PLA2G6: variants seen among roughly 807,000 people sequenced by gnomAD.
PLA2G6 encodes the protein phospholipase A2 group VI.
In PLA2G6, 62 loss-of-function variants were observed where a neutral mutation model predicts 83.8. The observed-to-expected ratio is 0.74, with a 90% CI of 0.60 to 0.91. The LOEUF (loss-of-function observed/expected upper bound fraction) is 0.91. Ranked by LOEUF, PLA2G6 falls within the 40% of genes least tolerant of loss-of-function variation. PLA2G6 has a pLI of 0.00. For synonymous variants in PLA2G6, 417 were observed against 449.8 expected, an observed-to-expected ratio of 0.93 and a Z score of 0.92; for missense variants, 944 against 1,102.0, an observed-to-expected ratio of 0.86 and a Z score of 2.03.
chr22:38,136,041 A>T (rs981348171), intron 5 of PLA2G6: 1 of 152,262 alleles, frequency 6.6e-6, no homozygotes, highest in African/African-American at 2.4e-5. Context: ...AGCCTTGAAG[A>T]CATCATGCTA....
At chr22:38,120,954 G>A (rs1432756243) in intron 11 of PLA2G6, 45 bp from the exon 12 acceptor site, 9 of 1,606,886 alleles carry the variant, frequency 5.6e-6, no homozygotes, top group Admixed American at 1.7e-5. Context: ...GCGGCCACAC[G>A]CAGGGCTCCC....
At chr22:38,172,030 T>A (rs1274945026) in intron 1 of PLA2G6, among the ~76,000 whole-genome samples, 1 of 151,974 alleles carries the variant, frequency 6.6e-6, no homozygotes, top group African/African-American at 2.4e-5. Flanking sequence ...CTCCCTCACT[T>A]TAAACACATC....
rs558124373 is a variant in PLA2G6, at chr22:38,120,946, G to A, written c.1592-37C>T. ...GGGGTCAGAGGCGGGGAGATGCAGCGGCCACACGCAGGGCTCCCGTAGAAC... is the reference window on the plus strand; with the variant it reads ...GGGGTCAGAGGCGGGGAGATGCAGCAGCCACACGCAGGGCTCCCGTAGAAC... On this transcript the variant is annotated intron_variant, in intron 11 of 16. Coordinates refer to ENST00000332509, the MANE Select transcript of PLA2G6 (RefSeq NM_003560.4). 2.0e-5 allele frequency: 32 copies of A among 1,609,852 alleles called. No individual in the cohort carries two copies. The Middle Eastern group carries it at 6.6e-4, about 33-fold the overall frequency.
At chr22:38,178,298 C>G (rs113999105) in intron 1 of PLA2G6, among the ~76,000 whole-genome samples, 2 of 152,162 alleles carry the variant, frequency 1.3e-5, no homozygotes, top group African/African-American at 4.8e-5. Flanking sequence ...TGGTCAGGCA[C>G]GGCAGTTCAC....
chr22:38,158,262 C>T (rs1212134431), intron 2 of PLA2G6, among the ~76,000 whole-genome samples: 1 of 150,978 alleles, frequency 6.6e-6, no homozygotes, highest in Non-Finnish European at 1.5e-5. Flanking sequence ...CTCTGCCTCC[C>T]GGGTTCAAGT....
At chr22:38,179,248 C>T (rs543562338) in intron 1 of PLA2G6, among the ~76,000 whole-genome samples, 1 of 152,222 alleles carries the variant, frequency 6.6e-6, no homozygotes, top group East Asian at 1.9e-4. Flanking sequence ...CAACAGGGGG[C>T]CAGGCATGTG....
At chr22:38,118,388 G>T (rs943937902) in intron 12 of PLA2G6, among the ~76,000 whole-genome samples, 5 of 152,190 alleles carry the variant, frequency 3.3e-5, no homozygotes, top group African/African-American at 1.2e-4. Flanking sequence ...AGCTAACTAG[G>T]TTCACTTGGC....
At chr22:38,126,303 CAG>C (rs1220251510) in intron 10 of PLA2G6, 66 bp downstream of exon 10, 17 of 1,219,502 alleles carry the variant, frequency 1.4e-5, no homozygotes, top group East Asian at 4.6e-5. Flanking sequence ...GAGCCCACAA[CAG>C]GGGGTGGGTG....
chr22:38,143,012 GC>G, intron 4 of PLA2G6, 92 bp downstream of exon 4: 1 of 1,160,118 alleles, frequency 8.6e-7, no homozygotes, highest in Non-Finnish European at 1.3e-6. Flanking sequence ...ACAGTGAGAG[GC>G]CTGAGAGTGA....
intron 15 of PLA2G6, 114 bp from the exon 16 acceptor site, chr22:38,112,691 G>A (rs2086952394): frequency 1.2e-6 from 1 of 843,148 alleles, no homozygotes; most frequent in East Asian, 2.7e-5. Context: ...AGGCTCTTTC[G>A]AGTCAGGCTG....
At chr22:38,129,410 C>G in intron 8 of PLA2G6, 44 bp downstream of exon 8, 1 of 1,379,868 alleles carries the variant, frequency 7.2e-7, no homozygotes, top group Non-Finnish European at 1.0e-6. Context: ...CCTGTATCCA[C>G]CCAACCCTCA....
At chr22:38,161,692 G>C (rs940511242) in intron 2 of PLA2G6, among the ~76,000 whole-genome samples, 13 of 152,070 alleles carry the variant, frequency 8.5e-5, no homozygotes, top group African/African-American at 3.1e-4. Context: ...GGGGACAGAG[G>C]TGTGTGCATG....
intron 4 of PLA2G6, chr22:38,142,720 G>C: frequency 5.8e-6 from 2 of 346,166 alleles, no homozygotes; most frequent in South Asian, 4.9e-5. Context: ...CAGGGCCACA[G>C]ATTGGACAAG....
At chr22:38,115,913 C>G (rs112240186) in intron 13 of PLA2G6, 162 bp downstream of exon 13, 4 of 1,461,670 alleles carry the variant, frequency 2.7e-6, no homozygotes, top group African/African-American at 2.8e-5. Context: ...AGGGGCCTGA[C>G]AGCTCCCCCG....
chr22:38,172,672 C>A (rs1336541979), intron 1 of PLA2G6, among the ~76,000 whole-genome samples: 1 of 152,296 alleles, frequency 6.6e-6, no homozygotes, highest in African/African-American at 2.4e-5. Flanking sequence ...AGAGAGGCTA[C>A]CCCGAGGACG....
chr22:38,114,059 G>C (rs2087039430), intron 14 of PLA2G6, among the ~76,000 whole-genome samples: 2 of 152,218 alleles, frequency 1.3e-5, no homozygotes, highest in Non-Finnish European at 2.9e-5. Flanking sequence ...TCTGTGGAGA[G>C]GGCACTGATC....
chr22:38,125,345 C>T (rs1000698862), intron 10 of PLA2G6, among the ~76,000 whole-genome samples: 4 of 152,056 alleles, frequency 2.6e-5, no homozygotes, highest in African/African-American at 7.2e-5. Flanking sequence ...TGCGTGTGCC[C>T]GCGTGCAAGA....
At chr22:38,122,477 C>A (rs924455566) in intron 11 of PLA2G6, among the ~76,000 whole-genome samples, 1 of 152,260 alleles carries the variant, frequency 6.6e-6, no homozygotes, top group Non-Finnish European at 1.5e-5. Flanking sequence ...GCAAGCCAGG[C>A]GCCTTCGCAA....
chr22:38,139,134 G>T (rs2088728853), intron 5 of PLA2G6: 1 of 152,230 alleles, frequency 6.6e-6, no homozygotes, highest in African/African-American at 2.4e-5. Flanking sequence ...GCATCTAGGT[G>T]GACGGGCACT....
Sources: gnomAD v4.1 joint callset for allele counts (sites outside exome capture counted in the v4.1 genomes callset) on GRCh38, gnomAD v4.1.1 for gene constraint, MANE v1.5 for transcripts, NCBI Gene and HGNC (gene_info 2026-07-23, HGNC 2026-07-21) for gene names.